Variants in PDE3A observed in about 807,000 individuals in gnomAD.
The protein encoded by PDE3A is phosphodiesterase 3A, also known as cGMP-inhibited 3',5'-cyclic phosphodiesterase 3A.
Under a neutral mutation model 98.3 loss-of-function variants are expected in PDE3A, and 43 were observed. The observed-to-expected ratio is 0.44, with a 90% CI of 0.34 to 0.56. PDE3A has a LOEUF of 0.56. Among genes scored for constraint, PDE3A ranks in the 20% least tolerant of loss-of-function variants. The probability of loss-of-function intolerance (pLI) is 0.01; values close to 1 mark genes in which losing one functional copy is unlikely to be tolerated. For missense variants in PDE3A, 1,427 were observed against 1,440.7 expected, an observed-to-expected ratio of 0.99 and a Z score of 0.15; for synonymous variants, 663 against 567.9, an observed-to-expected ratio of 1.17 and a Z score of -2.38.
intron 2 of PDE3A, among the ~76,000 whole-genome samples, chr12:20,558,382 C>A (rs11045308): frequency 6.6e-6 from 1 of 152,044 alleles, no homozygotes; most frequent in Admixed American, 6.5e-5. Flanking sequence ...TGAGGTGGTT[C>A]TAAAAAGCAA....
At chr12:20,573,338 C>T (rs1383821470) in intron 2 of PDE3A, among the ~76,000 whole-genome samples, 1 of 151,522 alleles carries the variant, frequency 6.6e-6, no homozygotes, top group Non-Finnish European at 1.5e-5. Flanking sequence ...TGTGTAGGCA[C>T]AGTGCTGGTG....
Position 20,450,007 on chromosome 12 carries a change from C to T in PDE3A, c.960+79763C>T, listed in dbSNP as rs964073415. The T allele has an allele frequency of 5.8e-6, 4 of 687,314 alleles. No homozygotes were observed. In the African/African-American group the frequency reaches 7.2e-5, roughly 12 times the overall value. The allele number at this position is 687,314 out of a possible 1,614,324, so 42.6% of individuals were successfully genotyped here. A position where few individuals can be genotyped will look rare whatever the true frequency, so the allele number is the denominator to read the frequency against. On this transcript the variant is annotated intron_variant, in intron 1 of 15. Transcript: ENST00000359062. ...CCCTTGCCAAGTCAATAAATTAGCT[C>T]CATCTACCTGGAAGTTACGGAAGTT... is the stretch of plus-strand genomic sequence containing the variant.
intron 1 of PDE3A, among the ~76,000 whole-genome samples, chr12:20,447,753 A>G (rs1944981298): frequency 6.6e-6 from 1 of 152,232 alleles, no homozygotes; most frequent in African/African-American, 2.4e-5. Context: ...GAGCTGCTCT[A>G]GAAAATTAAT....
At chr12:20,596,289 CATT>C (rs1378712597) in intron 2 of PDE3A, among the ~76,000 whole-genome samples, 1 of 152,156 alleles carries the variant, frequency 6.6e-6, no homozygotes. Context: ...TTCAGCAACA[CATT>C]GTTGCTAAAT....
At chr12:20,391,388 T>C (rs200663364) in intron 1 of PDE3A, among the ~76,000 whole-genome samples, 169 of 104,144 alleles carry the variant, frequency 1.6e-3, no homozygotes, top group African/African-American at 4.1e-3. Flanking sequence ...TATATATATA[T>C]ACACACACAC....
chr12:20,572,095 A>G (rs1020839282), intron 2 of PDE3A: 1 of 1,251,732 alleles, frequency 8.0e-7, no homozygotes, highest in African/African-American at 1.6e-5. Context: ...ACAGAATCTG[A>G]ACTTTAAAGA....
chr12:20,434,170 CTT>C (rs58536656), intron 1 of PDE3A, among the ~76,000 whole-genome samples: 36 of 147,584 alleles, frequency 2.4e-4, no homozygotes, highest in African/African-American at 8.2e-4. Context: ...TTGAAGGTGA[CTT>C]TTTTTTTTTC....
At chr12:20,659,942 A>G (rs1945124929) in intron 15 of PDE3A, among the ~76,000 whole-genome samples, 1 of 152,204 alleles carries the variant, frequency 6.6e-6, no homozygotes, top group African/African-American at 2.4e-5. Flanking sequence ...GATATTACAT[A>G]TACACAAAAG....
At chr12:20,532,604 A>T (rs1241663622) in intron 1 of PDE3A, among the ~76,000 whole-genome samples, 1 of 152,142 alleles carries the variant, frequency 6.6e-6, no homozygotes, top group Non-Finnish European at 1.5e-5. Flanking sequence ...TTCAATGTGA[A>T]TATTAGCAAT....
At chr12:20,624,303 A>G (rs1944207019) in intron 5 of PDE3A, among the ~76,000 whole-genome samples, 1 of 152,196 alleles carries the variant, frequency 6.6e-6, no homozygotes, top group Non-Finnish European at 1.5e-5. Flanking sequence ...AAGTAATAAC[A>G]TAAAAAATAT....
intron 1 of PDE3A, chr12:20,551,833 G>A: frequency 6.2e-7 from 1 of 1,613,920 alleles, no homozygotes; most frequent in East Asian, 2.2e-5. Flanking sequence ...CAAGGGCATG[G>A]CCTGTGTGGG....
At chr12:20,450,127 C>T (rs945553556) in intron 1 of PDE3A, 12 of 427,628 alleles carry the variant, frequency 2.8e-5, no homozygotes, top group South Asian at 1.6e-4. Context: ...CAGAATGCAT[C>T]GCAGCCCAAC....
Position 20,369,460 on chromosome 12 carries a change from G to A in PDE3A, c.176G>A (p.Arg59Gln), listed in dbSNP as rs766144639. ...DLVLQPLRSSRKLSSALCAGS... is the reference protein window; with the variant it reads ...DLVLQPLRSSQKLSSALCAGS... Reference sequence around the variant, plus strand: ...GTGCTGCAGCCGCTCCGGAGCTCTCGGAAACTTTCCTCCGCGCTGTGCGCG... The same window carrying A: ...GTGCTGCAGCCGCTCCGGAGCTCTCAGAAACTTTCCTCCGCGCTGTGCGCG... The change falls in exon 1 of 16, where the codon CGG (arginine) becomes CAG (glutamine). Residue 59 changes from arginine (R) to glutamine (Q), a missense_variant. By Grantham distance (43) the Arg-to-Gln change is conservative (BLOSUM62 1). This residue lies in a region of PDE3A where 1,012 missense variants were observed against 886.5 expected (regional missense o/e 1.14). Coordinates refer to ENST00000359062, the MANE Select transcript of PDE3A (RefSeq NM_000921.5). 3 of 1,556,326 alleles carry A rather than the reference G, an allele frequency of 1.9e-6. No individual in the cohort carries two copies. The highest frequency in any genetic ancestry group is 1.2e-5 in the South Asian group (1 of 84,450).
chr12:20,482,126 G>C (rs1945641609), intron 1 of PDE3A, among the ~76,000 whole-genome samples: 1 of 151,918 alleles, frequency 6.6e-6, no homozygotes, highest in Admixed American at 6.6e-5. Flanking sequence ...GAAAGCACAA[G>C]ATTATTTCTC....
chr12:20,457,762 T>A (rs981505744), intron 1 of PDE3A, among the ~76,000 whole-genome samples: 1 of 151,640 alleles, frequency 6.6e-6, no homozygotes, highest in African/African-American at 2.4e-5. Flanking sequence ...TAATTAAATG[T>A]GTCATAGTTG....
chr12:20,669,100 C>G (rs1190782964), intron 15 of PDE3A, among the ~76,000 whole-genome samples: 1 of 150,074 alleles, frequency 6.7e-6, no homozygotes, highest in African/African-American at 2.4e-5. Context: ...ACGGTATCAG[C>G]GATGGAAGAT....
intron 1 of PDE3A, among the ~76,000 whole-genome samples, chr12:20,506,054 A>C (rs1336419920): frequency 6.6e-6 from 1 of 151,868 alleles, no homozygotes; most frequent in African/African-American, 2.4e-5. Context: ...AAATATGCCA[A>C]ATAATATATA....
At chr12:20,419,759 A>G (rs1047487712) in intron 1 of PDE3A, among the ~76,000 whole-genome samples, 5 of 62,588 alleles carry the variant, frequency 8.0e-5, no homozygotes, top group African/African-American at 1.9e-4. Flanking sequence ...TTTTTTTGAG[A>G]CAAAGTCTCA....
Position 20,649,148 on chromosome 12 carries a change from C to A in PDE3A, c.2769+257C>A, listed in dbSNP as rs574140069. Among the ~76,000 whole-genome samples the A allele has an allele frequency of 1.1e-4, 17 of 151,636 alleles. No homozygotes were observed. In the East Asian group the frequency reaches 3.3e-3, roughly 30 times the overall value. ...GGGTTTCACCATGTTGGCCAGGCTG[C>A]TCTCAAACTCCTGACCTCATGATCC... On this transcript the variant is annotated intron_variant, in intron 13 of 15. Coordinates refer to ENST00000359062, the MANE Select transcript of PDE3A (RefSeq NM_000921.5).
Sources: gnomAD v4.1 joint callset for allele counts (sites outside exome capture counted in the v4.1 genomes callset) on GRCh38, gnomAD v4.1.1 for gene constraint, gnomAD v4.1.1 regional missense constraint, MANE v1.5 for transcripts, NCBI Gene and HGNC (gene_info 2026-07-23, HGNC 2026-07-21) for gene names.